The following UNC79 variants were observed in gnomAD, a reference collection of about 807,000 sequenced individuals.
UNC79 encodes the protein protein unc-79 homolog.
UNC79 carries 37 observed loss-of-function variants against 283.1 expected under a neutral mutation model. That is an observed-to-expected ratio of 0.13 (90% confidence interval 0.10 to 0.17). The LOEUF is 0.17. Among genes scored for constraint, UNC79 ranks in the 10% least tolerant of loss-of-function variants. The pLI is 1.00. For missense variants in UNC79, 2,272 were observed against 3,211.1 expected, an observed-to-expected ratio of 0.71 and a Z score of 7.07; for synonymous variants, 1,107 against 1,200.2, an observed-to-expected ratio of 0.92 and a Z score of 1.61.
At chr14:93,376,444 A>C (rs190279661) in intron 1 of UNC79, among the ~76,000 whole-genome samples, 12 of 152,374 alleles carry the variant, frequency 7.9e-5, no homozygotes, top group Admixed American at 7.2e-4. Context: ...AGAAGAAAAA[A>C]AAATCACAGG....
chr14:93,497,418 T>C, intron 7 of UNC79, 132 bp downstream of exon 7: 1 of 1,250,444 alleles, frequency 8.0e-7, no homozygotes, highest in Non-Finnish European at 1.0e-6. Flanking sequence ...CATAAATCCT[T>C]TCTGAAACTA....
chr14:93,668,045 A>G (rs2072408025), intron 40 of UNC79, among the ~76,000 whole-genome samples: 1 of 152,220 alleles, frequency 6.6e-6, no homozygotes, highest in Non-Finnish European at 1.5e-5. Flanking sequence ...TCTAGCCAGC[A>G]TTATATTTAA....
chr14:93,366,574 T>C (rs2054338620), intron 1 of UNC79, among the ~76,000 whole-genome samples: 1 of 150,912 alleles, frequency 6.6e-6, no homozygotes, highest in South Asian at 2.1e-4. Flanking sequence ...TTTTATTCTT[T>C]TTTTTTTTTT....
chr14:93,389,551 G>A (rs560804185), intron 1 of UNC79, among the ~76,000 whole-genome samples: 1 of 152,134 alleles, frequency 6.6e-6, no homozygotes, highest in Non-Finnish European at 1.5e-5. Context: ...CTTGGAGGTG[G>A]AAGGTGTTAG....
chr14:93,459,887 G>C (rs2056901349), intron 1 of UNC79, among the ~76,000 whole-genome samples: 1 of 28,942 alleles, frequency 3.5e-5, no homozygotes. Context: ...AGCCAGGATG[G>C]TCTCAATCTC....
intron 1 of UNC79, chr14:93,347,048 G>T: frequency 4.1e-6 from 2 of 491,148 alleles, no homozygotes; most frequent in South Asian, 6.9e-5. Flanking sequence ...ACGGACTGCT[G>T]AGTGGAAAGG....
intron 27 of UNC79, among the ~76,000 whole-genome samples, chr14:93,614,793 C>G (rs1490132290): frequency 2.6e-5 from 4 of 152,160 alleles, no homozygotes; most frequent in Non-Finnish European, 1.5e-5. Flanking sequence ...TGGACAGACA[C>G]CATACTTTAC....
chr14:93,494,030 A>T (rs561116380), intron 5 of UNC79, among the ~76,000 whole-genome samples: 84 of 150,152 alleles, frequency 5.6e-4, no homozygotes, highest in African/African-American at 1.9e-3. Context: ...CAGCCTCCCA[A>T]GTAGCTGGGA....
chr14:93,557,973 G>C (rs1483826274), intron 14 of UNC79, among the ~76,000 whole-genome samples: 1 of 152,220 alleles, frequency 6.6e-6, no homozygotes, highest in Non-Finnish European at 1.5e-5. Context: ...GGATGGCAGA[G>C]ACTGAGAGAG....
intron 40 of UNC79, among the ~76,000 whole-genome samples, chr14:93,666,270 G>A (rs1355176152): frequency 6.6e-6 from 1 of 152,012 alleles, no homozygotes; most frequent in Non-Finnish European, 1.5e-5. Flanking sequence ...AAGACAAAAA[G>A]AGAAGCATAG....
intron 1 of UNC79, among the ~76,000 whole-genome samples, chr14:93,391,124 A>C (rs889501926): frequency 6.6e-6 from 1 of 150,638 alleles, no homozygotes; most frequent in Non-Finnish European, 1.5e-5. Flanking sequence ...TGATTGACAC[A>C]AAAAAATAGA....
chr14:93,670,366 C>T (rs8003481), intron 40 of UNC79, among the ~76,000 whole-genome samples: 3,271 of 152,276 alleles, frequency 0.021, 115 homozygotes, highest in African/African-American at 0.075. Context: ...TTGTTTTACC[C>T]GTGCTTTTGT....
chr14:93,660,585 T>G (rs1339506272), intron 39 of UNC79, among the ~76,000 whole-genome samples: 1 of 127,374 alleles, frequency 7.9e-6, no homozygotes, highest in East Asian at 2.3e-4. Context: ...GTGTGTTCAT[T>G]TTATTTTATT....
intron 1 of UNC79, among the ~76,000 whole-genome samples, chr14:93,451,463 G>A (rs1331956467): frequency 6.6e-6 from 1 of 152,228 alleles, no homozygotes; most frequent in African/African-American, 2.4e-5. Flanking sequence ...CTCTGCATTA[G>A]CATTTACACT....
chr14:93,425,583 T>A (rs967483635), upstream of UNC79, among the ~76,000 whole-genome samples: 2 of 152,098 alleles, frequency 1.3e-5, no homozygotes, highest in East Asian at 1.9e-4. Flanking sequence ...CATATATACA[T>A]AAAAAAGTTG....
At chr14:93,629,045 A>G (rs1028419579) in intron 30 of UNC79, among the ~76,000 whole-genome samples, 1 of 152,258 alleles carries the variant, frequency 6.6e-6, no homozygotes. Flanking sequence ...CTAAAAATAC[A>G]AAAATTAGCT....
chr14:93,638,896 A>C (rs1042540637), intron 32 of UNC79, among the ~76,000 whole-genome samples: 12 of 152,268 alleles, frequency 7.9e-5, no homozygotes, highest in African/African-American at 2.6e-4. Flanking sequence ...ATATTTAGCG[A>C]TCCATTGATT....
At position 93,599,610 on chromosome 14, in the gene UNC79, G is replaced by A. The variant is rs573910438; in HGVS notation, c.3373-959G>A. On this transcript the variant is annotated intron_variant, in intron 24 of 48. Transcript: ENST00000555664. ...CTGCTTAGGGCCTGGAACATAGGAG[G>A]CACTCATTAGATGACAGCTGAATTA... Among the ~76,000 whole-genome samples, 139 of 152,272 alleles carry A rather than the reference G, an allele frequency of 9.1e-4. 1 individual carries two copies. The highest frequency in any genetic ancestry group is 1.6e-3 in the Non-Finnish European group (107 of 68,022).
At position 93,617,335 on chromosome 14, in the gene UNC79, G is replaced by T. The variant is rs780237968; in HGVS notation, c.4224+31G>T. The T allele has an allele frequency of 5.6e-6, 9 of 1,609,338 alleles. No homozygotes were observed. Among genetic ancestry groups the T allele is most frequent in the Non-Finnish European group, 7.6e-6 (9 of 1,177,266 alleles). On this transcript the variant is annotated intron_variant, in intron 28 of 48. Coordinates refer to ENST00000555664, the Ensembl canonical transcript of UNC79. This position sits in a 1 kb window ranked among gnomAD's most constrained non-coding sequence, Gnocchi z 4.5. ...CTGGGTGGTCACTGCTGTTTTGGATGCAATGGTTCTCTTAGAGAGCATATA... is the reference window on the plus strand; with the variant it reads ...CTGGGTGGTCACTGCTGTTTTGGATTCAATGGTTCTCTTAGAGAGCATATA...
Sources: allele counts gnomAD v4.1 joint callset (sites outside exome capture counted in the v4.1 genomes callset), GRCh38; gene constraint gnomAD v4.1.1; non-coding constraint Gnocchi (gnomAD v3.1); transcripts MANE v1.5; gene names NCBI Gene and HGNC (gene_info 2026-07-23, HGNC 2026-07-21).